The following CTNND2 variants were observed in gnomAD, a reference collection of about 807,000 sequenced individuals.
CTNND2 encodes the protein catenin delta-2.
In CTNND2, 22 loss-of-function variants were observed where a neutral mutation model predicts 144.4. The observed-to-expected ratio is 0.15, with a 90% CI of 0.11 to 0.22. The LOEUF (loss-of-function observed/expected upper bound fraction) is 0.22, where lower values mean the gene tolerates loss of function less well. Among genes scored for constraint, CTNND2 ranks in the 10% least tolerant of loss-of-function variants. The probability of loss-of-function intolerance (pLI) is 1.00; values close to 1 mark genes in which losing one functional copy is unlikely to be tolerated. For missense variants in CTNND2, 1,353 were observed against 1,618.8 expected (o/e 0.84, Z 2.82); for synonymous variants, 751 against 695.6 (o/e 1.08, Z -1.25).
intron 2 of CTNND2, among the ~76,000 whole-genome samples, chr5:11,625,227 C>G (rs1417691095): frequency 6.6e-6 from 1 of 152,076 alleles, no homozygotes; most frequent in African/African-American, 2.4e-5. Flanking sequence ...ACTCCACTAA[C>G]TCTCTTGTTA....
intron 2 of CTNND2, among the ~76,000 whole-genome samples, chr5:11,651,266 A>T (rs1782635336): frequency 6.6e-6 from 1 of 152,224 alleles, no homozygotes; most frequent in Non-Finnish European, 1.5e-5. Context: ...TGCAAAACAG[A>T]AGCCATGGCA....
chr5:10,992,496 C>T (rs1579974017), intron 19 of CTNND2, 55 bp downstream of exon 19: 6 of 1,611,064 alleles, frequency 3.7e-6, no homozygotes, highest in East Asian at 2.2e-5. Flanking sequence ...TGGGAAGGAC[C>T]GTCTTTGCTC....
intron 10 of CTNND2, among the ~76,000 whole-genome samples, chr5:11,220,189 A>T (rs544692430): frequency 1.4e-5 from 2 of 143,232 alleles, no homozygotes; most frequent in East Asian, 2.0e-4. Flanking sequence ...AAAAATCCAT[A>T]AAAAAAAAAA....
intron 9 of CTNND2, among the ~76,000 whole-genome samples, chr5:11,255,570 G>C (rs1370565262): frequency 2.0e-5 from 3 of 151,608 alleles, no homozygotes; most frequent in Non-Finnish European, 4.4e-5. Flanking sequence ...CATTTTCTTT[G>C]AAACACAAAA....
chr5:11,886,911 A>G (rs1313941029), intron 1 of CTNND2, among the ~76,000 whole-genome samples: 2 of 150,880 alleles, frequency 1.3e-5, no homozygotes, highest in Admixed American at 6.6e-5. Context: ...CAATTTTACA[A>G]ATTTCAAGTT....
intron 10 of CTNND2, among the ~76,000 whole-genome samples, chr5:11,221,131 T>C (rs147654658): frequency 1.3e-5 from 2 of 152,354 alleles, no homozygotes; most frequent in Non-Finnish European, 1.5e-5. Flanking sequence ...AGTAGTCATA[T>C]AATGAGCACC....
intron 3 of CTNND2, among the ~76,000 whole-genome samples, chr5:11,435,050 T>C (rs113362602): frequency 0.029 from 4,393 of 152,206 alleles, 217 homozygotes; most frequent in African/African-American, 0.098. Flanking sequence ...ATATTCAGTG[T>C]CACGAGATAA....
At chr5:11,109,430 A>G (rs532062969) in intron 14 of CTNND2, among the ~76,000 whole-genome samples, 1 of 152,302 alleles carries the variant, frequency 6.6e-6, no homozygotes, top group South Asian at 2.1e-4. Context: ...TAAATTTGAC[A>G]TGCAGAATAT....
intron 21 of CTNND2, 37 bp downstream of exon 21, chr5:10,981,736 C>T (rs1458173711): frequency 3.2e-6 from 5 of 1,558,388 alleles, no homozygotes; most frequent in Non-Finnish European, 4.4e-6. Context: ...ATGAGTCACA[C>T]TGAAAAGGAA....
At chr5:11,611,825 T>G (rs984823973) in intron 2 of CTNND2, among the ~76,000 whole-genome samples, 1 of 152,164 alleles carries the variant, frequency 6.6e-6, no homozygotes. Context: ...ACAGATTAGA[T>G]AAGCACACTA....
intron 1 of CTNND2, among the ~76,000 whole-genome samples, chr5:11,763,359 T>C (rs1279899341): frequency 6.6e-6 from 1 of 152,182 alleles, no homozygotes; most frequent in African/African-American, 2.4e-5. Context: ...TACTCAGCCA[T>C]TGTGCTTTCT....
chr5:11,439,267 T>G lies in CTNND2; in HGVS notation c.288-27198A>C, dbSNP rs61755473. Among the ~76,000 whole-genome samples, 163 of 152,204 alleles carry G rather than the reference T, an allele frequency of 1.1e-3. 1 individual carries two copies. Among genetic ancestry groups the G allele is most frequent in the African/African-American group, 3.8e-3 (156 of 41,554 alleles). ...CAGCATGCTTGAATTGTCATCAAATTAATTCCTTAGGGGTAGACCTAGACA... is the reference window on the plus strand; with the variant it reads ...CAGCATGCTTGAATTGTCATCAAATGAATTCCTTAGGGGTAGACCTAGACA... On this transcript the variant is annotated intron_variant, in intron 3 of 21. Transcript: ENST00000304623.
intron 10 of CTNND2, among the ~76,000 whole-genome samples, chr5:11,231,032 G>C (rs1740944179): frequency 6.6e-6 from 1 of 152,148 alleles, no homozygotes; most frequent in Non-Finnish European, 1.5e-5. Context: ...ACCAGGTGAA[G>C]GTAATCAGAC....
chr5:11,273,325 T>C (rs1428045646), intron 9 of CTNND2, among the ~76,000 whole-genome samples: 1 of 152,136 alleles, frequency 6.6e-6, no homozygotes, highest in East Asian at 1.9e-4. Flanking sequence ...ACCCTGAGTC[T>C]CAAGTGGACA....
intron 2 of CTNND2, among the ~76,000 whole-genome samples, chr5:11,582,421 C>G (rs1463136858): frequency 3.3e-5 from 5 of 152,032 alleles, no homozygotes; most frequent in South Asian, 2.1e-4. Context: ...AAAACCAAAA[C>G]AAAGAAAGAA....
chr5:10,986,337 G>A (rs1334690323), intron 20 of CTNND2, among the ~76,000 whole-genome samples: 1 of 152,160 alleles, frequency 6.6e-6, no homozygotes, highest in Admixed American at 6.5e-5. Flanking sequence ...ATTCTCTTGG[G>A]CAAGAGAGTT....
Position 11,103,343 on chromosome 5 carries a change from T to C in CTNND2, c.2464-4595A>G, listed in dbSNP as rs1229993354. ...TGAAAGAGTGGAAGCCATTTGCTCC[T>C]TATATGAAGAGAAAGACGTAACTTA... is the stretch of plus-strand genomic sequence containing the variant. On this transcript the variant is annotated intron_variant, in intron 14 of 21. Transcript: ENST00000304623. 2.6e-5 allele frequency among the ~76,000 whole-genome samples: 4 copies of C among 152,120 alleles called. No individual in the cohort carries two copies. The South Asian group carries it at 6.2e-4, about 24-fold the overall frequency.
intron 12 of CTNND2, among the ~76,000 whole-genome samples, chr5:11,153,010 TC>T (rs1757883756): frequency 6.6e-6 from 1 of 152,108 alleles, no homozygotes; most frequent in Non-Finnish European, 1.5e-5. Flanking sequence ...ATTCCTGTAA[TC>T]CCAGCACTTT....
intron 17 of CTNND2, among the ~76,000 whole-genome samples, chr5:11,021,977 T>A (rs946728624): frequency 2.0e-5 from 3 of 152,198 alleles, no homozygotes; most frequent in East Asian, 1.9e-4. Flanking sequence ...CTTGCTGATA[T>A]ACCGATGCGC....
Sources: allele counts gnomAD v4.1 joint callset (sites outside exome capture counted in the v4.1 genomes callset), GRCh38; gene constraint gnomAD v4.1.1; transcripts MANE v1.5; gene names NCBI Gene and HGNC (gene_info 2026-07-23, HGNC 2026-07-21).